The following SIPA1L2 variants were observed in gnomAD, a reference collection of about 807,000 sequenced individuals.
SIPA1L2 encodes the protein signal induced proliferation associated 1 like 2, also known as signal-induced proliferation-associated 1-like protein 2.
Under a neutral mutation model 163.9 loss-of-function variants are expected in SIPA1L2, and 56 were observed. The observed-to-expected ratio is 0.34, with a 90% CI of 0.28 to 0.43. The LOEUF is 0.43. Among genes scored for constraint, SIPA1L2 ranks in the 20% least tolerant of loss-of-function variants. The pLI is 1.00. For missense variants in SIPA1L2, 1,974 were observed against 2,193.5 expected, an observed-to-expected ratio of 0.90 and a Z score of 2.00; for synonymous variants, 877 against 865.7, an observed-to-expected ratio of 1.01 and a Z score of -0.23.
At chr1:232,510,856 G>A (rs1473240075) in intron 3 of SIPA1L2, among the ~76,000 whole-genome samples, 1 of 152,130 alleles carries the variant, frequency 6.6e-6, no homozygotes, top group African/African-American at 2.4e-5. Flanking sequence ...CTGGCACTAA[G>A]TTTTGGCATA....
rs111482467 is a variant in SIPA1L2 at position 232,630,084 on chromosome 1, C to G, written c.-534G>C. On this transcript the variant is annotated 5_prime_UTR_variant, in exon 1 of 23. Coordinates refer to ENST00000674635, the MANE Select transcript of SIPA1L2 (RefSeq NM_020808.5). ...CCGGCGGGGGCGCGGTGCTCCTCCT[C>G]CGTCCTCCTCCTCCTCTCGCTCCGC... 0.36 allele frequency among the ~76,000 whole-genome samples: 53,887 copies of G among 150,296 alleles called. 10,731 individuals carry two copies. The highest frequency in any genetic ancestry group is 0.45 in the Non-Finnish European group (30,232 of 67,178).
chr1:232,539,223 G>C (rs539174827), intron 2 of SIPA1L2, among the ~76,000 whole-genome samples: 2 of 152,154 alleles, frequency 1.3e-5, no homozygotes, highest in African/African-American at 2.4e-5. Context: ...AAACCCTTGG[G>C]GTAGGGTCTT....
At chr1:232,454,055 T>C (rs1663745683) in intron 10 of SIPA1L2, among the ~76,000 whole-genome samples, 2 of 152,188 alleles carry the variant, frequency 1.3e-5, no homozygotes, top group Non-Finnish European at 1.5e-5. Context: ...TCACAAACTC[T>C]TTCTGGTACA....
chr1:232,437,578 C>T (rs1244460152), intron 15 of SIPA1L2, among the ~76,000 whole-genome samples: 1 of 152,162 alleles, frequency 6.6e-6, no homozygotes, highest in East Asian at 1.9e-4. Flanking sequence ...CAAATAATGT[C>T]CTGCTTCTCT....
chr1:232,466,051 G>A (rs1038835456), intron 8 of SIPA1L2, among the ~76,000 whole-genome samples: 1 of 151,990 alleles, frequency 6.6e-6, no homozygotes, highest in African/African-American at 2.4e-5. Context: ...GCATTAGTAC[G>A]GCAGTGCTAC....
Position 232,594,405 on chromosome 1 carries a change from A to G in SIPA1L2, c.-318-20183T>C, listed in dbSNP as rs576477996. ...GTCAGAGGAGCTGGTGTCAAAGATG[A>G]GCACACAGGAGAGACGTGAGTGAAC... On this transcript the variant is annotated intron_variant, in intron 1 of 22. Transcript: ENST00000674635. Among the ~76,000 whole-genome samples the G allele has an allele frequency of 1.8e-3, 280 of 152,204 alleles. 1 individual carries two copies. Among genetic ancestry groups the G allele is most frequent in the Middle Eastern group, 0.014 (4 of 294 alleles).
chr1:232,594,789 A>T (rs61826619), intron 1 of SIPA1L2, among the ~76,000 whole-genome samples: 44 of 152,106 alleles, frequency 2.9e-4, no homozygotes, highest in Non-Finnish European at 5.4e-4. Context: ...GAAATATTCT[A>T]ACACCATTTA....
intron 7 of SIPA1L2, among the ~76,000 whole-genome samples, chr1:232,478,418 G>A (rs1363991865): frequency 6.6e-6 from 1 of 152,160 alleles, no homozygotes; most frequent in Non-Finnish European, 1.5e-5. Context: ...CTGAGGCTAA[G>A]GGGCTTCTTC....
intron 19 of SIPA1L2, among the ~76,000 whole-genome samples, chr1:232,406,967 T>C (rs1660675270): frequency 1.3e-5 from 2 of 152,214 alleles, no homozygotes; most frequent in Admixed American, 1.3e-4. Context: ...CTGTGCTTAT[T>C]GCATTGCAGA....
intron 2 of SIPA1L2, among the ~76,000 whole-genome samples, chr1:232,518,980 A>C (rs1667334300): frequency 6.0e-5 from 1 of 16,638 alleles, no homozygotes; most frequent in Non-Finnish European, 3.2e-4. Flanking sequence ...GTAACCACAA[A>C]AGTTTCATTT....
At chr1:232,409,192 A>G (rs993114666) in intron 19 of SIPA1L2, among the ~76,000 whole-genome samples, 1 of 152,150 alleles carries the variant, frequency 6.6e-6, no homozygotes, top group Non-Finnish European at 1.5e-5. Context: ...TTTTTCAACT[A>G]TTTTTCTTGA....
intron 5 of SIPA1L2, among the ~76,000 whole-genome samples, chr1:232,485,474 CTCAAT>C (rs1213273427): frequency 1.3e-5 from 2 of 152,162 alleles, no homozygotes; most frequent in Non-Finnish European, 2.9e-5. Context: ...TTCTGATCAA[CTCAAT>C]TATCTAAGTC....
chr1:232,569,186 G>A (rs1052739628), intron 2 of SIPA1L2, among the ~76,000 whole-genome samples: 1 of 152,170 alleles, frequency 6.6e-6, no homozygotes, highest in Non-Finnish European at 1.5e-5. Context: ...GAAATAAAAT[G>A]TTTCAAAACA....
chr1:232,473,497 T>C (rs1664896843), intron 7 of SIPA1L2, among the ~76,000 whole-genome samples: 1 of 152,212 alleles, frequency 6.6e-6, no homozygotes, highest in Non-Finnish European at 1.5e-5. Flanking sequence ...TAGTCAGTGC[T>C]TCATGGCTGT....
At chr1:232,583,089 C>T (rs779936888) in intron 1 of SIPA1L2, among the ~76,000 whole-genome samples, 3 of 152,162 alleles carry the variant, frequency 2.0e-5, no homozygotes, top group Non-Finnish European at 4.4e-5. Context: ...TTCTCACACT[C>T]AAATAGTTGT....
intron 6 of SIPA1L2, among the ~76,000 whole-genome samples, chr1:232,480,866 C>A (rs562420327): frequency 6.6e-6 from 1 of 151,990 alleles, no homozygotes; most frequent in Non-Finnish European, 1.5e-5. Context: ...AACATTCAAC[C>A]TTCACGGACT....
chr1:232,428,350 CTTTTTTTTT>C (rs34949132), intron 17 of SIPA1L2, 52 bp downstream of exon 17: 2 of 838,084 alleles, frequency 2.4e-6, no homozygotes, highest in South Asian at 3.4e-5. Flanking sequence ...TTTCTTTAGA[CTTTTTTTTT>C]TTTTTTTTTT....
At chr1:232,603,020 G>T (rs540754180) in intron 1 of SIPA1L2, among the ~76,000 whole-genome samples, 1 of 152,190 alleles carries the variant, frequency 6.6e-6, no homozygotes, top group Admixed American at 6.5e-5. Context: ...GAGCAGGGGG[G>T]ATAAAAAAGA....
chr1:232,437,631 T>C (rs750140424), intron 15 of SIPA1L2, among the ~76,000 whole-genome samples: 1 of 152,130 alleles, frequency 6.6e-6, no homozygotes, highest in Non-Finnish European at 1.5e-5. Flanking sequence ...GCTGCACAGC[T>C]TGGTGACAGG....
Sources: allele counts gnomAD v4.1 joint callset (sites outside exome capture counted in the v4.1 genomes callset), GRCh38; gene constraint gnomAD v4.1.1; transcripts MANE v1.5; gene names NCBI Gene and HGNC (gene_info 2026-07-23, HGNC 2026-07-21).